The following ALG1L2 variants were observed in gnomAD, a reference collection of about 807,000 sequenced individuals.
The protein encoded by ALG1L2 is ALG1 chitobiosyldiphosphodolichol beta-mannosyltransferase like 2, also known as putative glycosyltransferase ALG1L2.
ALG1L2 carries 32 observed loss-of-function variants against 29.0 expected under a neutral mutation model. The ratio of observed to expected loss-of-function variants is 1.10; its 90% CI spans 0.83 to 1.48. The LOEUF (loss-of-function observed/expected upper bound fraction) is 1.48. Ranked by LOEUF, ALG1L2 falls within the 40% of genes most tolerant of loss-of-function variation. The probability of loss-of-function intolerance (pLI) is 0.00; values close to 1 mark genes in which losing one functional copy is unlikely to be tolerated. For missense variants in ALG1L2, 318 were observed against 274.1 expected (o/e 1.16, Z -1.13); for synonymous variants, 110 against 109.5 (o/e 1.00, Z -0.03).
chr3:130,082,529 G>A (rs1277458585), intron 1 of ALG1L2, among the ~76,000 whole-genome samples: 1 of 130,744 alleles, frequency 7.6e-6, no homozygotes, highest in Non-Finnish European at 1.8e-5. Context: ...GTAGAGAGTG[G>A]GTTTCACCAT....
rs1237485804 is a variant in ALG1L2 at position 130,081,920 on chromosome 3, G to T, written c.-97G>T. The T allele has an allele frequency of 1.7e-5, 23 of 1,389,888 alleles. No individual in the cohort carries two copies. Among genetic ancestry groups the T allele is most frequent in the South Asian group, 1.2e-5 (1 of 80,258 alleles). 86.1% of individuals were successfully genotyped at this position (1,389,888 alleles called of 1,614,324 possible). A position where few individuals can be genotyped will look rare whatever the true frequency, so the allele number is the denominator to read the frequency against. On this transcript the variant is annotated 5_prime_UTR_variant, in exon 1 of 8. Transcript: ENST00000425059. ...AAAGGCTCAGAGGGAGCTTCTCCAGGATCAGCAGAGCTCGATTGTAGGGTG... is the reference window on the plus strand; with the variant it reads ...AAAGGCTCAGAGGGAGCTTCTCCAGTATCAGCAGAGCTCGATTGTAGGGTG...
chr3:130,096,481 G>A (rs1935137474), intron 6 of ALG1L2, among the ~76,000 whole-genome samples: 3 of 151,482 alleles, frequency 2.0e-5, no homozygotes, highest in Admixed American at 6.6e-5. Flanking sequence ...AACTTCACTC[G>A]GGGCTTTTGC....
chr3:130,096,235 G>A, intron 6 of ALG1L2, 72 bp downstream of exon 6: 14 of 1,542,904 alleles, frequency 9.1e-6, no homozygotes, highest in Non-Finnish European at 1.2e-5. Flanking sequence ...GCAGTGCAGA[G>A]TGAGCTGCCC....
At chr3:130,091,444 C>A (rs199656771) in intron 2 of ALG1L2, 73 bp downstream of exon 2, 3 of 1,459,466 alleles carry the variant, frequency 2.1e-6, no homozygotes, top group Non-Finnish European at 2.8e-6. Flanking sequence ...TCACTGCAGA[C>A]CTGGGAACCC....
At position 130,087,607 on chromosome 3, in the gene ALG1L2, G is replaced by A. The variant is rs369933407; in HGVS notation, c.21-3654G>A. ...AAGGAATACACAGGAATATTTAGGGGTAAAGGATAACTCTTCTGCCACTTG... is the reference window on the plus strand; with the variant it reads ...AAGGAATACACAGGAATATTTAGGGATAAAGGATAACTCTTCTGCCACTTG... On this transcript the variant is annotated intron_variant, in intron 1 of 7. Transcript: ENST00000425059. Among the ~76,000 whole-genome samples the A allele has an allele frequency of 1.3e-4, 18 of 137,010 alleles. No homozygotes were observed. In the East Asian group the frequency reaches 1.8e-3, roughly 14 times the overall value. The allele number at this position is 137,010 out of a possible 152,430, so 89.9% of individuals were successfully genotyped here. A position where few individuals can be genotyped will look rare whatever the true frequency, so the allele number is the denominator to read the frequency against.
chr3:130,094,577 C>CATTTTGCTGGGGTAACGGGGGGGGGG, intron 5 of ALG1L2, 64 bp downstream of exon 5: 1 of 286,992 alleles, frequency 3.5e-6, no homozygotes, highest in Non-Finnish European at 6.5e-6. Flanking sequence ...CAGGGGTGGG[C>CATTTTGCTGGGGTAACGGGGGGGGGG]GGGGTGTACC....
At chr3:130,092,797 G>A (rs1197486498) in intron 3 of ALG1L2, among the ~76,000 whole-genome samples, 3 of 152,132 alleles carry the variant, frequency 2.0e-5, no homozygotes, top group African/African-American at 7.2e-5. Context: ...CTGGGAGGCC[G>A]AGGCAGGCAG....
chr3:130,098,191 G>C (rs1935187313), intron 7 of ALG1L2, 32 bp from the exon 8 acceptor site: 1 of 1,596,182 alleles, frequency 6.3e-7, no homozygotes, highest in East Asian at 2.2e-5. Context: ...GATGGGGTGG[G>C]GACAGGCAAT....
chr3:130,095,773 G>A (rs903744582), intron 5 of ALG1L2, among the ~76,000 whole-genome samples: 9 of 152,130 alleles, frequency 5.9e-5, no homozygotes, highest in African/African-American at 2.2e-4. Context: ...TTGTGCCACT[G>A]CACTCCAGCC....
chr3:130,097,561 C>T (rs1255062981), intron 7 of ALG1L2, among the ~76,000 whole-genome samples: 1 of 152,184 alleles, frequency 6.6e-6, no homozygotes, highest in African/African-American at 2.4e-5. Flanking sequence ...AGTGCGTGGG[C>T]TAAGGGAACT....
intron 5 of ALG1L2, among the ~76,000 whole-genome samples, chr3:130,095,598 C>T (rs538027810): frequency 7.3e-5 from 11 of 151,162 alleles, no homozygotes; most frequent in Admixed American, 1.3e-4. Context: ...CATGACGCTT[C>T]GCTAATTTTA....
At chr3:130,090,216 C>T (rs1934986595) in intron 1 of ALG1L2, among the ~76,000 whole-genome samples, 1 of 152,294 alleles carries the variant, frequency 6.6e-6, no homozygotes, top group South Asian at 2.1e-4. Flanking sequence ...ATTAGCTGGG[C>T]TTTGTGGTGG....
chr3:130,082,722 C>T (rs1477137182), intron 1 of ALG1L2, among the ~76,000 whole-genome samples: 2 of 148,930 alleles, frequency 1.3e-5, no homozygotes, highest in Non-Finnish European at 3.0e-5. Context: ...TGAGTTACCC[C>T]CGTCCCTTGC....
At chr3:130,090,761 C>T (rs1934998488) in intron 1 of ALG1L2, 1 of 90,066 alleles carries the variant, frequency 1.1e-5, no homozygotes, top group African/African-American at 4.0e-5. Flanking sequence ...GGAGAGTAGA[C>T]TCTCATCAAA....
chr3:130,085,612 C>G (rs1470675028), intron 1 of ALG1L2, among the ~76,000 whole-genome samples: 2 of 151,356 alleles, frequency 1.3e-5, no homozygotes, highest in Non-Finnish European at 3.0e-5. Context: ...ACTTGACTAC[C>G]TTTGTAATGA....
intron 1 of ALG1L2, chr3:130,090,556 A>G (rs1329433731): frequency 6.6e-6 from 1 of 152,338 alleles, no homozygotes; most frequent in Non-Finnish European, 1.5e-5. Context: ...GCTTGCTTAA[A>G]TAATAATGAT....
intron 5 of ALG1L2, among the ~76,000 whole-genome samples, chr3:130,095,422 T>G (rs1230956030): frequency 8.0e-6 from 1 of 125,382 alleles, no homozygotes; most frequent in Non-Finnish European, 1.9e-5. Flanking sequence ...ATTATTATTA[T>G]TATTATTATT....
chr3:130,096,961 C>G (rs897043577), intron 6 of ALG1L2, among the ~76,000 whole-genome samples: 1 of 152,100 alleles, frequency 6.6e-6, no homozygotes, highest in Non-Finnish European at 1.5e-5. Context: ...TTAAGGCTCT[C>G]TCCTCAAATC....
chr3:130,093,895 C>T (rs1325594118), intron 4 of ALG1L2: 1 of 184,334 alleles, frequency 5.4e-6, no homozygotes, highest in African/African-American at 2.4e-5. Flanking sequence ...CTCCTCCCTC[C>T]TCTGGCCTCT....
Sources: gnomAD v4.1 joint callset for allele counts (sites outside exome capture counted in the v4.1 genomes callset) on GRCh38, gnomAD v4.1.1 for gene constraint, MANE v1.5 for transcripts, NCBI Gene and HGNC (gene_info 2026-07-23, HGNC 2026-07-21) for gene names.